Variants in PHF20 observed in about 807,000 individuals in gnomAD.
PHF20 encodes the protein PHD finger protein 20, also known as glioma-expressed antigen 2.
PHF20 carries 23 observed loss-of-function variants against 113.5 expected under a neutral mutation model. The observed-to-expected ratio is 0.20, with a 90% CI of 0.15 to 0.29. PHF20 has a LOEUF of 0.29. Among genes scored for constraint, PHF20 ranks in the 10% least tolerant of loss-of-function variants. The pLI, the probability that PHF20 is intolerant of heterozygous loss-of-function variation, is 1.00. For synonymous variants in PHF20, 434 were observed against 457.3 expected (o/e 0.95, Z 0.65); for missense variants, 943 against 1,219.6 (o/e 0.77, Z 3.38).
intron 2 of PHF20, among the ~76,000 whole-genome samples, chr20:35,839,372 C>T (rs1050003151): frequency 8.2e-6 from 1 of 122,694 alleles, no homozygotes. Context: ...TCCTGGGTGA[C>T]AGAACGAGAT....
At chr20:35,870,121 G>A (rs1287476044) in intron 7 of PHF20, among the ~76,000 whole-genome samples, 1 of 151,880 alleles carries the variant, frequency 6.6e-6, no homozygotes, top group African/African-American at 2.4e-5. Context: ...TGGCTAACAT[G>A]GTGAAACCCC....
At chr20:35,801,629 T>G (rs773033060) in intron 2 of PHF20, 24 bp downstream of exon 2, 5 of 1,527,642 alleles carry the variant, frequency 3.3e-6, no homozygotes, top group Non-Finnish European at 2.7e-6. Context: ...TTTCTGTTAA[T>G]TAAAGCCCTT....
At chr20:35,833,264 T>C (rs2042384921) in intron 2 of PHF20, among the ~76,000 whole-genome samples, 1 of 152,180 alleles carries the variant, frequency 6.6e-6, no homozygotes, top group Admixed American at 6.5e-5. Context: ...TGACCAGTTA[T>C]CTGACTTGCT....
chr20:35,869,539 G>T lies in PHF20; in HGVS notation c.910G>T (p.Asp304Tyr). The change falls in exon 7 of 18, where the codon GAC becomes TAC. Residue 304 changes from aspartate to tyrosine, a missense_variant. This residue lies in a region of PHF20 where 592 missense variants were observed against 787.2 expected (regional missense o/e 0.75). Transcript: ENST00000374012. ...CEVPLKRPRL[D>Y]KNSSQEKSKN... Reference sequence around the variant, plus strand: ...AGTCCCATTAAAACGTCCTCGGCTTGACAAAAATTCATGTGAGTCTACAGT... The same window carrying T: ...AGTCCCATTAAAACGTCCTCGGCTTTACAAAAATTCATGTGAGTCTACAGT... The T allele has an allele frequency of 6.3e-7, 1 of 1,585,098 alleles. No homozygotes were observed. Among genetic ancestry groups the T allele is most frequent in the Non-Finnish European group, 8.7e-7 (1 of 1,155,634 alleles).
chr20:35,946,982 A>G (rs2056096949), intron 17 of PHF20, among the ~76,000 whole-genome samples: 1 of 152,182 alleles, frequency 6.6e-6, no homozygotes, highest in African/African-American at 2.4e-5. Flanking sequence ...TGCTGGGATT[A>G]TAGGCATGTG....
intron 1 of PHF20, among the ~76,000 whole-genome samples, chr20:35,794,488 GTCTTTCA>G (rs1422643584): frequency 6.6e-6 from 1 of 152,090 alleles, no homozygotes; most frequent in Non-Finnish European, 1.5e-5. Flanking sequence ...ATTTAAGCTG[GTCTTTCA>G]CCTGAAGTGT....
At chr20:35,919,336 ATTTTTTT>A (rs751803907) in intron 13 of PHF20, among the ~76,000 whole-genome samples, 30 of 112,636 alleles carry the variant, frequency 2.7e-4, no homozygotes, top group Admixed American at 1.1e-3. Flanking sequence ...TGTTATGGTA[ATTTTTTT>A]TTTTTTTTTT....
rs200731940 is a variant in PHF20, at chr20:35,938,746, C to G, written c.2350C>G (p.His784Asp). Residue 784 changes from histidine to aspartate, a missense_variant, in exon 16 of 18, where the codon CAC becomes GAC. His to Asp is a moderately conservative substitution (Grantham distance 81). This residue lies in a region of PHF20 where 349 missense variants were observed against 412.3 expected (regional missense o/e 0.85). Transcript: ENST00000374012. The part of the protein sequence containing the change: ...LPLWCQPWKQ[H>D]SGEGRSHFRN... ...GCTGTGGTGCCAGCCTTGGAAACAG[C>G]ACTCAGGGGAGGGGAGATCTCATTT... 7 of 1,613,784 alleles carry G rather than the reference C, an allele frequency of 4.3e-6. No homozygotes were observed. The East Asian group carries it at 1.3e-4, about 31-fold the overall frequency.
chr20:35,800,404 G>A (rs570298706), intron 1 of PHF20, among the ~76,000 whole-genome samples: 5 of 90,864 alleles, frequency 5.5e-5, no homozygotes, highest in Admixed American at 2.8e-4. Flanking sequence ...CAGCCTGGGC[G>A]ACAAGAGCGA....
intron 4 of PHF20, among the ~76,000 whole-genome samples, chr20:35,854,691 C>T (rs1336123906): frequency 1.3e-5 from 2 of 152,076 alleles, no homozygotes; most frequent in African/African-American, 4.8e-5. Context: ...CCCTTAGCAC[C>T]TTTGGCCATA....
chr20:35,910,154 A>G (rs1381910449), intron 10 of PHF20, among the ~76,000 whole-genome samples: 1 of 152,224 alleles, frequency 6.6e-6, no homozygotes, highest in African/African-American at 2.4e-5. Context: ...TAAATGAAAG[A>G]AACCAGACAC....
intron 13 of PHF20, among the ~76,000 whole-genome samples, chr20:35,924,957 T>A (rs1211248577): frequency 4.6e-5 from 7 of 152,154 alleles, no homozygotes; most frequent in African/African-American, 1.2e-4. Context: ...TTTTGCCAGG[T>A]ATATAGTGAG....
At chr20:35,886,321 G>A (rs1179768878) in intron 9 of PHF20, among the ~76,000 whole-genome samples, 1 of 151,510 alleles carries the variant, frequency 6.6e-6, no homozygotes, top group Non-Finnish European at 1.5e-5. Context: ...TGTAGCTTTA[G>A]TAGAGACTGG....
intron 9 of PHF20, among the ~76,000 whole-genome samples, chr20:35,898,445 A>T (rs1336372316): frequency 2.6e-5 from 4 of 151,270 alleles, no homozygotes; most frequent in African/African-American, 7.3e-5. Context: ...TTTATTTTTT[A>T]TTTTTTTTGA....
At chr20:35,786,232 C>CA (rs1177638390) in intron 1 of PHF20, among the ~76,000 whole-genome samples, 2 of 146,036 alleles carry the variant, frequency 1.4e-5, no homozygotes, top group East Asian at 2.1e-4. Flanking sequence ...ACTAAAAATA[C>CA]AAAAAAAAAT....
chr20:35,873,466 G>GT (rs759056358), intron 9 of PHF20, among the ~76,000 whole-genome samples: 9,799 of 82,306 alleles, frequency 0.12, 540 homozygotes, highest in Non-Finnish European at 0.18. Flanking sequence ...CTGTTTTTTT[G>GT]TTTTTTTTTT....
At chr20:35,798,049 A>G (rs1487316266) in intron 1 of PHF20, among the ~76,000 whole-genome samples, 3 of 152,082 alleles carry the variant, frequency 2.0e-5, no homozygotes, top group Non-Finnish European at 4.4e-5. Flanking sequence ...ACTAAAATTT[A>G]GGAAAGTATT....
Position 35,946,855 on chromosome 20 carries a change from G to A in PHF20, c.2897-630G>A, listed in dbSNP as rs549601520. 2.8e-4 allele frequency among the ~76,000 whole-genome samples: 43 copies of A among 152,062 alleles called. 1 individual carries two copies. The East Asian group carries it at 8.3e-3, about 30-fold the overall frequency. On this transcript the variant is annotated intron_variant, in intron 17 of 17. Coordinates refer to ENST00000374012, the MANE Select transcript of PHF20 (RefSeq NM_016436.5). ...TTCCTGAGTAGCTGGGACTACAGAC[G>A]GGCACCACCATGCCTGGCTAATTTT...
In PHF20 at chr20:35,899,483, G is replaced by A; in HGVS notation, c.1396G>A (p.Ala466Thr). The change falls in exon 10 of 18, where the codon GCC becomes ACC. Residue 466 changes from alanine to threonine, a missense_variant. By Grantham distance (58) the Ala-to-Thr change is moderately conservative (BLOSUM62 0). Coordinates refer to ENST00000374012, the MANE Select transcript of PHF20 (RefSeq NM_016436.5). The part of the protein sequence containing the change: ...VVDCLKFFRK[A>T]KLLHYHMKYF... ...GGACTGTTTAAAATTTTTCCGCAAA[G>A]CCAAACTGTTGCACTATCACATGAA... The A allele has an allele frequency of 6.2e-7, 1 of 1,614,166 alleles. No individual in the cohort carries two copies. The highest frequency in any genetic ancestry group is 8.5e-7 in the Non-Finnish European group (1 of 1,180,024).
Sources: gnomAD v4.1 joint callset for allele counts (sites outside exome capture counted in the v4.1 genomes callset) on GRCh38, gnomAD v4.1.1 for gene constraint, gnomAD v4.1.1 regional missense constraint, MANE v1.5 for transcripts, NCBI Gene and HGNC (gene_info 2026-07-23, HGNC 2026-07-21) for gene names.